The following TNS3 variants were observed in gnomAD, a reference collection of about 807,000 sequenced individuals.
TNS3 encodes the protein tensin 3.
TNS3 carries 45 observed loss-of-function variants against 140.9 expected under a neutral mutation model. The ratio of observed to expected loss-of-function variants is 0.32; its 90% CI spans 0.25 to 0.41. The LOEUF (loss-of-function observed/expected upper bound fraction) is 0.41, where lower values mean the gene tolerates loss of function less well. TNS3 is among the 10% of genes least tolerant of loss of function. TNS3 has a pLI of 1.00. For synonymous variants in TNS3, 815 were observed against 788.4 expected (o/e 1.03, Z -0.56); for missense variants, 1,716 against 1,906.7 (o/e 0.90, Z 1.86).
chr7:47,564,952 A>G (rs1165355160), intron 1 of TNS3, among the ~76,000 whole-genome samples: 1 of 152,128 alleles, frequency 6.6e-6, no homozygotes, highest in African/African-American at 2.4e-5. Flanking sequence ...TCCTCGTTGT[A>G]AGAAAAGCAG....
chr7:47,283,732 T>C lies in TNS3; in HGVS notation c.4062A>G (p.Ser1354=). The change falls in exon 28 of 31, where the codon TCA becomes TCG. Residue 1354 remains serine, a synonymous_variant. Transcript: ENST00000311160. ...TGTCTGTCAGGGTGATGCCCTGGGC[T>C]GACACCTTGAAGTGCACAACTGTGG... ...PVSTVVHFKV[S]AQGITLTDNQ... is the part of the protein sequence containing the mutation. 2 of 1,601,940 alleles carry C rather than the reference T, an allele frequency of 1.2e-6. No homozygotes were observed. The highest frequency in any genetic ancestry group is 2.3e-5 in the East Asian group (1 of 44,182).
intron 20 of TNS3, among the ~76,000 whole-genome samples, chr7:47,341,202 T>C (rs1788993979): frequency 6.6e-6 from 1 of 152,222 alleles, no homozygotes; most frequent in African/African-American, 2.4e-5. Flanking sequence ...TCTGTAGTTT[T>C]CTTTTTCTGT....
At chr7:47,413,628 G>A (rs1452011812) in intron 12 of TNS3, among the ~76,000 whole-genome samples, 6 of 151,716 alleles carry the variant, frequency 4.0e-5, no homozygotes, top group Non-Finnish European at 7.4e-5. Context: ...GAAAACCAAG[G>A]GGCCACCATA....
intron 4 of TNS3, among the ~76,000 whole-genome samples, chr7:47,474,105 T>C (rs1797065881): frequency 8.0e-6 from 1 of 125,326 alleles, no homozygotes; most frequent in South Asian, 2.7e-4. Flanking sequence ...TAAAACATAC[T>C]GAGCAAGTCT....
intron 2 of TNS3, among the ~76,000 whole-genome samples, chr7:47,518,297 T>C (rs753285385): frequency 2.6e-5 from 4 of 152,114 alleles, no homozygotes; most frequent in African/African-American, 4.8e-5. Context: ...ACAGGTAGGA[T>C]TGGATGTCGC....
intron 4 of TNS3, among the ~76,000 whole-genome samples, chr7:47,477,593 G>A (rs80317525): frequency 0.031 from 4,782 of 152,260 alleles, 118 homozygotes; most frequent in Non-Finnish European, 0.05. Flanking sequence ...AGACAGAATA[G>A]GTACTCAATG....
chr7:47,314,653 A>G (rs944935587), intron 20 of TNS3, among the ~76,000 whole-genome samples: 3 of 152,160 alleles, frequency 2.0e-5, no homozygotes, highest in African/African-American at 7.2e-5. Flanking sequence ...ATTTTTAGCA[A>G]TGTTAAAAAT....
At chr7:47,339,540 T>C (rs1158803805) in intron 20 of TNS3, among the ~76,000 whole-genome samples, 1 of 152,216 alleles carries the variant, frequency 6.6e-6, no homozygotes, top group Non-Finnish European at 1.5e-5. Flanking sequence ...CTCTGTTTCA[T>C]GAACCTAAGT....
intron 1 of TNS3, among the ~76,000 whole-genome samples, chr7:47,560,009 C>T (rs1383731756): frequency 1.3e-5 from 2 of 152,160 alleles, no homozygotes; most frequent in South Asian, 2.1e-4. Flanking sequence ...ACACCACCTG[C>T]TCCACCCCCG....
chr7:47,317,757 C>T (rs956988069), intron 20 of TNS3, among the ~76,000 whole-genome samples: 34 of 152,258 alleles, frequency 2.2e-4, no homozygotes, highest in African/African-American at 8.2e-4. Flanking sequence ...CCACATCAAG[C>T]CTGCAGACAG....
chr7:47,380,570 T>C (rs1791692272), intron 16 of TNS3, among the ~76,000 whole-genome samples: 1 of 152,186 alleles, frequency 6.6e-6, no homozygotes, highest in South Asian at 2.1e-4. Flanking sequence ...AAAGCATCCG[T>C]TCTGCTGATT....
chr7:47,581,765 C>G (rs1199447210), intron 1 of TNS3: 1 of 151,994 alleles, frequency 6.6e-6, no homozygotes, highest in Non-Finnish European at 1.5e-5. Flanking sequence ...CCGCAAACCC[C>G]GTACCCGCGC....
chr7:47,285,662 T>C (rs187752297), intron 27 of TNS3, among the ~76,000 whole-genome samples: 2 of 152,234 alleles, frequency 1.3e-5, no homozygotes, highest in Non-Finnish European at 2.9e-5. Flanking sequence ...TGGCGATATT[T>C]ATCAGGTGGA....
chr7:47,555,172 G>A (rs1220407488), intron 1 of TNS3, among the ~76,000 whole-genome samples: 1 of 151,662 alleles, frequency 6.6e-6, no homozygotes, highest in African/African-American at 2.4e-5. Context: ...AGGCTGAGGC[G>A]GGTGGATCAC....
At chr7:47,474,117 A>AACACACACACACACACACACACACACAC (rs35049083) in intron 4 of TNS3, among the ~76,000 whole-genome samples, 1 of 145,326 alleles carries the variant, frequency 6.9e-6, no homozygotes, top group Non-Finnish European at 1.5e-5. Flanking sequence ...AGCAAGTCTC[A>AACACACACACACACACACACACACACAC]ACACACACAC....
intron 3 of TNS3, among the ~76,000 whole-genome samples, chr7:47,482,540 G>A (rs78396335): frequency 0.15 from 22,747 of 152,214 alleles, 1,880 homozygotes; most frequent in Non-Finnish European, 0.19. Flanking sequence ...ACAGGATGGC[G>A]GAAACAGCCG....
Position 47,449,328 on chromosome 7 carries a change from C to T in TNS3, c.-75-7273G>A, listed in dbSNP as rs1795907181. On this transcript the variant is annotated intron_variant, in intron 4 of 30. Coordinates refer to ENST00000311160, the MANE Select transcript of TNS3 (RefSeq NM_022748.12). Reference sequence around the variant, plus strand: ...ATGGGGTGAAAGGCAGGTGCTCAGCCTGGTCCTCAGAGCCCTGGGTGAGCC... The same window carrying T: ...ATGGGGTGAAAGGCAGGTGCTCAGCTTGGTCCTCAGAGCCCTGGGTGAGCC... Among the ~76,000 whole-genome samples, 4 of 152,338 alleles carry T rather than the reference C, an allele frequency of 2.6e-5. No homozygotes were observed. In the South Asian group the frequency reaches 8.3e-4, roughly 32 times the overall value.
At chr7:47,544,340 A>G (rs1799867070) in intron 1 of TNS3, among the ~76,000 whole-genome samples, 1 of 152,162 alleles carries the variant, frequency 6.6e-6, no homozygotes. Context: ...TTCTCATGGT[A>G]AAACGGACCC....
intron 12 of TNS3, 71 bp downstream of exon 12, chr7:47,413,866 C>T (rs760165118): frequency 2.5e-6 from 4 of 1,581,994 alleles, no homozygotes; most frequent in Non-Finnish European, 3.5e-6. Flanking sequence ...GGACAGGCAG[C>T]TGAGGGTCAG....
Sources: allele counts gnomAD v4.1 joint callset (sites outside exome capture counted in the v4.1 genomes callset), GRCh38; gene constraint gnomAD v4.1.1; transcripts MANE v1.5; gene names NCBI Gene and HGNC (gene_info 2026-07-23, HGNC 2026-07-21).